Variants in CHST9 observed in about 807,000 individuals in gnomAD.
CHST9 encodes the protein GalNAc-4-sulfotransferase 2.
A neutral mutation model predicts 44.4 loss-of-function variants in CHST9; 41 were observed. The observed-to-expected ratio is 0.92, with a 90% CI of 0.72 to 1.20. The LOEUF is 1.20. CHST9 is among the 50% of genes most tolerant of loss of function. The pLI is 0.00. For synonymous variants in CHST9, 171 were observed against 178.4 expected, an observed-to-expected ratio of 0.96 and a Z score of 0.33; for missense variants, 504 against 516.5, an observed-to-expected ratio of 0.98 and a Z score of 0.23.
intron 2 of CHST9, among the ~76,000 whole-genome samples, chr18:27,133,072 G>A (rs2143841059): frequency 6.6e-6 from 1 of 152,266 alleles, no homozygotes; most frequent in East Asian, 1.9e-4. Context: ...CCATCCCCTG[G>A]ACGATAAATT....
chr18:27,118,103 A>G (rs1161595912), intron 2 of CHST9, among the ~76,000 whole-genome samples: 1 of 152,058 alleles, frequency 6.6e-6, no homozygotes, highest in Admixed American at 6.5e-5. Flanking sequence ...ATGCAGTGGT[A>G]TTTTACTGTT....
chr18:27,069,364 C>A (rs1417246242), intron 2 of CHST9, among the ~76,000 whole-genome samples: 2 of 152,144 alleles, frequency 1.3e-5, no homozygotes, highest in African/African-American at 4.8e-5. Context: ...CTCTTATCTC[C>A]GTTTCTGTGG....
intron 4 of CHST9, among the ~76,000 whole-genome samples, chr18:26,957,868 T>C (rs1398178511): frequency 6.6e-6 from 1 of 151,852 alleles, no homozygotes; most frequent in Admixed American, 6.6e-5. Flanking sequence ...TCTACTTATT[T>C]CTTTCTTTCT....
chr18:27,011,531 G>T (rs1254611101), intron 4 of CHST9, among the ~76,000 whole-genome samples: 1 of 152,164 alleles, frequency 6.6e-6, no homozygotes, highest in Non-Finnish European at 1.5e-5. Flanking sequence ...GCCAAGTCAG[G>T]GTTAGCAGAA....
intron 5 of CHST9, chr18:26,935,339 G>C (rs1000000772): frequency 3.9e-4 from 60 of 152,178 alleles, no homozygotes; most frequent in African/African-American, 1.4e-3. Context: ...TGGAATACTT[G>C]AGGGGAAGTT....
chr18:27,147,397 G>C (rs1239411022), intron 1 of CHST9, among the ~76,000 whole-genome samples: 4 of 152,082 alleles, frequency 2.6e-5, no homozygotes, highest in African/African-American at 9.7e-5. Context: ...AGGAGTGGTG[G>C]GGTTTTGGGG....
rs117488065 is a variant in CHST9 at position 26,973,423 on chromosome 18, G to A, written c.203-29057C>T. ...AGGAGGCGAAGGTGCGGAACAGTGC[G>A]TAGAAGGCCCCGGGTTCAAGTAGTC... On this transcript the variant is annotated intron_variant, in intron 4 of 5. Transcript: ENST00000618847. 5.0e-3 allele frequency among the ~76,000 whole-genome samples: 760 copies of A among 152,288 alleles called. 2 individuals carry two copies. Among genetic ancestry groups the A allele is most frequent in the Non-Finnish European group, 8.2e-3 (560 of 68,018 alleles).
intron 5 of CHST9, among the ~76,000 whole-genome samples, chr18:26,921,198 G>T (rs1444255296): frequency 2.0e-5 from 3 of 152,182 alleles, no homozygotes; most frequent in Non-Finnish European, 4.4e-5. Context: ...TGTAGAGTAG[G>T]AATGTCACAT....
intron 5 of CHST9, chr18:26,925,841 C>T (rs1238924907): frequency 6.6e-6 from 1 of 152,136 alleles, no homozygotes; most frequent in Non-Finnish European, 1.5e-5. Context: ...TGAGCAATTT[C>T]TATATGATAA....
At position 26,907,468 on chromosome 18, in the gene CHST9, C is replaced by T. The variant is rs163044; in HGVS notation, c.*8791G>A. On this transcript the variant is annotated 3_prime_UTR_variant, in exon 6 of 6. Transcript: ENST00000618847. ...ATCAAAGTTCGTGATAGAAACATAGCCTAGAAAAAGATTTCGGAACCATCA... is the reference window on the plus strand; with the variant it reads ...ATCAAAGTTCGTGATAGAAACATAGTCTAGAAAAAGATTTCGGAACCATCA... 2 of 151,882 alleles carry T rather than the reference C, an allele frequency of 1.3e-5. No homozygotes were observed. Among genetic ancestry groups the T allele is most frequent in the African/African-American group, 4.8e-5 (2 of 41,312 alleles). 9.4% of individuals were successfully genotyped at this position (151,882 alleles called of 1,614,324 possible).
At chr18:27,129,526 G>A (rs1045783938) in intron 2 of CHST9, among the ~76,000 whole-genome samples, 1 of 152,022 alleles carries the variant, frequency 6.6e-6, no homozygotes, top group Admixed American at 6.6e-5. Context: ...CCATGTAGAT[G>A]GGATTACAGA....
intron 4 of CHST9, among the ~76,000 whole-genome samples, chr18:27,000,072 A>G (rs1344911093): frequency 6.6e-6 from 1 of 152,256 alleles, no homozygotes; most frequent in Non-Finnish European, 1.5e-5. Context: ...GTAAATACAG[A>G]GACCTAGGCT....
At chr18:27,001,443 C>T (rs74886329) in intron 4 of CHST9, among the ~76,000 whole-genome samples, 4,307 of 152,156 alleles carry the variant, frequency 0.028, 222 homozygotes, top group African/African-American at 0.099. Flanking sequence ...GTTTTGCAAA[C>T]AATTTTTTAC....
intron 5 of CHST9, among the ~76,000 whole-genome samples, chr18:26,930,056 C>T (rs570829909): frequency 3.3e-5 from 5 of 152,190 alleles, no homozygotes; most frequent in Non-Finnish European, 7.3e-5. Context: ...TCAGATTGGC[C>T]TGTGTCAGCA....
intron 1 of CHST9, among the ~76,000 whole-genome samples, chr18:27,182,364 A>G (rs2058919213): frequency 1.3e-5 from 2 of 152,214 alleles, no homozygotes; most frequent in Non-Finnish European, 2.9e-5. Flanking sequence ...CTTTCAGGGA[A>G]AAGAGCAGTA....
intron 4 of CHST9, among the ~76,000 whole-genome samples, chr18:26,983,514 G>A (rs542050873): frequency 6.6e-6 from 1 of 152,226 alleles, no homozygotes; most frequent in South Asian, 2.1e-4. Flanking sequence ...ATGAAAAACA[G>A]CTCACTGAGG....
chr18:27,001,571 C>G (rs759464750), intron 4 of CHST9, among the ~76,000 whole-genome samples: 1 of 152,000 alleles, frequency 6.6e-6, no homozygotes, highest in Non-Finnish European at 1.5e-5. Context: ...GCTAGTTGGC[C>G]TGCCTCTAAC....
intron 2 of CHST9, among the ~76,000 whole-genome samples, chr18:27,078,557 T>A (rs1206345350): frequency 6.6e-6 from 1 of 152,196 alleles, no homozygotes; most frequent in Non-Finnish European, 1.5e-5. Context: ...TGGTAGATAC[T>A]ATTTTATTAC....
At chr18:26,971,956 C>T (rs2056549779) in intron 4 of CHST9, among the ~76,000 whole-genome samples, 1 of 152,070 alleles carries the variant, frequency 6.6e-6, no homozygotes, top group Non-Finnish European at 1.5e-5. Flanking sequence ...AATGGTAGAA[C>T]ATGTTAGAAG....
Sources: gnomAD v4.1 joint callset for allele counts (sites outside exome capture counted in the v4.1 genomes callset) on GRCh38, gnomAD v4.1.1 for gene constraint, MANE v1.5 for transcripts, NCBI Gene and HGNC (gene_info 2026-07-23, HGNC 2026-07-21) for gene names.